Variants in CHRNA7 observed in about 807,000 individuals in gnomAD.
CHRNA7 encodes neuronal acetylcholine receptor subunit alpha-7.
Under a neutral mutation model 48.0 loss-of-function variants are expected in CHRNA7, and 17 were observed. The ratio of observed to expected loss-of-function variants is 0.35; its 90% CI spans 0.24 to 0.53. The LOEUF is 0.53. Ranked by LOEUF, CHRNA7 falls within the 20% of genes least tolerant of loss-of-function variation. The pLI, the probability that CHRNA7 is intolerant of heterozygous loss-of-function variation, is 0.92. For synonymous variants in CHRNA7, 75 were observed against 242.3 expected (o/e 0.31, Z 6.41); for missense variants, 155 against 577.7 (o/e 0.27, Z 7.50).
At chr15:32,092,095 A>T (rs1465920828) in intron 2 of CHRNA7, among the ~76,000 whole-genome samples, 1 of 152,252 alleles carries the variant, frequency 6.6e-6, no homozygotes, top group African/African-American at 2.4e-5. Context: ...TCTGTAATGG[A>T]TGTAATCTCT....
chr15:32,064,285 T>G (rs1024471630), intron 2 of CHRNA7, among the ~76,000 whole-genome samples: 1 of 152,114 alleles, frequency 6.6e-6, no homozygotes, highest in African/African-American at 2.4e-5. Context: ...TTCTTCTGCT[T>G]CTGCTGCTGC....
chr15:32,071,879 C>T (rs563331324), intron 2 of CHRNA7, among the ~76,000 whole-genome samples: 1 of 150,978 alleles, frequency 6.6e-6, no homozygotes, highest in African/African-American at 2.4e-5. Flanking sequence ...TATAGCAGCA[C>T]AAAATGGACT....
intron 3 of CHRNA7, among the ~76,000 whole-genome samples, chr15:32,110,118 G>A (rs1334716772): frequency 1.3e-5 from 2 of 152,224 alleles, no homozygotes; most frequent in Non-Finnish European, 2.9e-5. Flanking sequence ...GATAATTAGT[G>A]ACCGACACAG....
chr15:32,090,658 A>ATT (rs5811678), intron 2 of CHRNA7, among the ~76,000 whole-genome samples: 2 of 150,264 alleles, frequency 1.3e-5, no homozygotes, highest in African/African-American at 4.9e-5. Flanking sequence ...CATTTCATTC[A>ATT]TTTTTTTTTT....
intron 4 of CHRNA7, among the ~76,000 whole-genome samples, chr15:32,122,185 G>A (rs1275890620): frequency 1.3e-5 from 2 of 152,192 alleles, no homozygotes. Flanking sequence ...GTGGGTGAGG[G>A]ACTAGTGGGG....
rs558722097 is a variant in CHRNA7, at chr15:32,084,927, G to T, written c.196-16376G>T. On this transcript the variant is annotated intron_variant, in intron 2 of 9. Transcript: ENST00000306901. ...AGCTCACTGCAACCTCCGCGTCCTG[G>T]GTTCAAGTAATTCTCCTGCCTCAGC... Among the ~76,000 whole-genome samples, 28 of 151,876 alleles carry T rather than the reference G, an allele frequency of 1.8e-4. 1 individual carries two copies. Among genetic ancestry groups the T allele is most frequent in the African/African-American group, 6.5e-4 (27 of 41,390 alleles).
chr15:32,095,448 A>G (rs779288175), intron 2 of CHRNA7, among the ~76,000 whole-genome samples: 1 of 152,234 alleles, frequency 6.6e-6, no homozygotes, highest in Non-Finnish European at 1.5e-5. Flanking sequence ...CATTCCATAA[A>G]TAGCAAGATG....
rs566188306 is a variant in CHRNA7 at position 32,085,806 on chromosome 15, G to C, written c.196-15497G>C. 8.2e-4 allele frequency among the ~76,000 whole-genome samples: 125 copies of C among 152,250 alleles called. 3 individuals carry two copies. The South Asian group carries it at 0.025, about 30-fold the overall frequency. On this transcript the variant is annotated intron_variant, in intron 2 of 9. Transcript: ENST00000306901. ...TTTACTCTTGGACGGCAGTGTAGCT[G>C]GTCTTAGATTCCAAAGTTGAAGTCC...
intron 2 of CHRNA7, among the ~76,000 whole-genome samples, chr15:32,090,141 G>T (rs1205826985): frequency 6.8e-6 from 1 of 146,336 alleles, no homozygotes; most frequent in Non-Finnish European, 1.5e-5. Flanking sequence ...TAGTGGTATA[G>T]CAGTGGTATA....
chr15:32,117,557 G>T (rs2050894826), intron 4 of CHRNA7, among the ~76,000 whole-genome samples: 1 of 152,206 alleles, frequency 6.6e-6, no homozygotes, highest in Admixed American at 6.5e-5. Flanking sequence ...AATATGGGTG[G>T]AAGGGAGAGA....
At chr15:32,067,368 G>A (rs1181403762) in intron 2 of CHRNA7, among the ~76,000 whole-genome samples, 1 of 152,180 alleles carries the variant, frequency 6.6e-6, no homozygotes, top group Non-Finnish European at 1.5e-5. Context: ...CAGTGGAAAA[G>A]GATATTTTCA....
intron 2 of CHRNA7, among the ~76,000 whole-genome samples, chr15:32,049,088 G>A (rs2049614347): frequency 6.7e-6 from 1 of 149,876 alleles, no homozygotes; most frequent in African/African-American, 2.5e-5. Context: ...TTTTGGGATA[G>A]GTGTGGTGTG....
chr15:32,152,391 C>T (rs1021544825), intron 4 of CHRNA7, among the ~76,000 whole-genome samples: 22 of 152,050 alleles, frequency 1.4e-4, no homozygotes, highest in African/African-American at 5.3e-4. Flanking sequence ...TGCAGTGAGC[C>T]GAGATCGTGC....
chr15:32,114,059 T>TATATGTGTATATATATATATAC, intron 4 of CHRNA7, among the ~76,000 whole-genome samples: 1 of 38,356 alleles, frequency 2.6e-5, no homozygotes, highest in South Asian at 1.3e-3. Flanking sequence ...TATATATATA[T>TATATGTGTATATATATATATAC]ACATATATAT....
At chr15:32,123,912 A>T (rs2051018162) in intron 4 of CHRNA7, among the ~76,000 whole-genome samples, 1 of 148,202 alleles carries the variant, frequency 6.7e-6, no homozygotes, top group Admixed American at 6.8e-5. Flanking sequence ...CGCCAAAAGA[A>T]TCTATAAGGG....
chr15:32,154,759 C>T (rs1215987794), intron 5 of CHRNA7, among the ~76,000 whole-genome samples: 2 of 139,078 alleles, frequency 1.4e-5, no homozygotes, highest in African/African-American at 5.8e-5. Context: ...CCTGCAATTA[C>T]CTCCACACCT....
In CHRNA7 at chr15:32,030,606, G is replaced by T. The variant is rs1465232208; in HGVS notation, c.12G>T (p.Ser4=). Residue 4 remains serine, a synonymous_variant, in exon 1 of 10, where the codon TCG becomes TCT. Transcript: ENST00000306901. ...CTCCGGGACTCAACATGCGCTGCTC[G>T]CCGGGAGGCGTCTGGCTGGCGCTGG... is the stretch of plus-strand genomic sequence containing the variant. The part of the protein sequence containing the change: MRC[S]PGGVWLALAA... 1 of 1,557,530 alleles carries T rather than the reference G, an allele frequency of 6.4e-7. No homozygotes were observed. Among genetic ancestry groups the T allele is most frequent in the Non-Finnish European group, 8.6e-7 (1 of 1,158,686 alleles).
At chr15:32,088,833 A>T (rs1022412906) in intron 2 of CHRNA7, among the ~76,000 whole-genome samples, 2 of 151,978 alleles carry the variant, frequency 1.3e-5, no homozygotes, top group Non-Finnish European at 2.9e-5. Context: ...TTTATCAGAG[A>T]TGTATTTTGT....
intron 3 of CHRNA7, 173 bp from the exon 4 acceptor site, chr15:32,111,616 AG>A (rs1595459253): frequency 1.8e-6 from 1 of 562,916 alleles, no homozygotes. Context: ...TGCTCTTCAC[AG>A]TCATTTTGGA....
Sources: allele counts gnomAD v4.1 joint callset (sites outside exome capture counted in the v4.1 genomes callset), GRCh38; gene constraint gnomAD v4.1.1; transcripts MANE v1.5; gene names NCBI Gene and HGNC (gene_info 2026-07-23, HGNC 2026-07-21).